Variants in FSTL4 observed in about 807,000 individuals in gnomAD.
FSTL4 encodes the protein follistatin-related protein 4.
In FSTL4, 28 loss-of-function variants were observed where a neutral mutation model predicts 78.2. That is an observed-to-expected ratio of 0.36 (90% confidence interval 0.27 to 0.49). The LOEUF is 0.49. Among genes scored for constraint, FSTL4 ranks in the 20% least tolerant of loss-of-function variants. The probability of loss-of-function intolerance (pLI) is 0.98; values close to 1 mark genes in which losing one functional copy is unlikely to be tolerated. For synonymous variants in FSTL4, 422 were observed against 440.5 expected (o/e 0.96, Z 0.53); for missense variants, 922 against 1,084.9 (o/e 0.85, Z 2.11).
intron 6 of FSTL4, among the ~76,000 whole-genome samples, chr5:133,293,238 G>A (rs1193944440): frequency 6.6e-6 from 1 of 152,234 alleles, no homozygotes; most frequent in Non-Finnish European, 1.5e-5. Flanking sequence ...CCCCACGCAA[G>A]GGCCACAAGA....
chr5:133,491,550 C>G (rs1429030588), intron 3 of FSTL4, among the ~76,000 whole-genome samples: 2 of 151,582 alleles, frequency 1.3e-5, no homozygotes, highest in African/African-American at 4.8e-5. Context: ...CAGGCGCCCG[C>G]CACCACGCCT....
the FSTL4 span, among the ~76,000 whole-genome samples, chr5:133,830,709 C>A: frequency 2.0e-5 from 3 of 152,208 alleles, no homozygotes; most frequent in African/African-American, 7.2e-5. Context: ...TCCCAGCACT[C>A]CCTGCTCCGT....
chr5:133,369,336 C>T (rs770622390), intron 4 of FSTL4, among the ~76,000 whole-genome samples: 2 of 152,202 alleles, frequency 1.3e-5, no homozygotes, highest in Non-Finnish European at 2.9e-5. Flanking sequence ...TGGGCGGTCC[C>T]TCTGTTAATC....
chr5:133,539,997 G>A (rs1291595272), intron 3 of FSTL4, among the ~76,000 whole-genome samples: 2 of 150,082 alleles, frequency 1.3e-5, no homozygotes, highest in African/African-American at 4.9e-5. Context: ...GCGACACTTT[G>A]AGTAAAGCAG....
intron 6 of FSTL4, among the ~76,000 whole-genome samples, chr5:133,278,563 C>T (rs896355721): frequency 3.9e-5 from 6 of 152,200 alleles, no homozygotes; most frequent in African/African-American, 1.4e-4. Flanking sequence ...GCAACACAGT[C>T]TAAGGGAGCT....
At position 133,338,533 on chromosome 5, in the gene FSTL4, C is replaced by T. The variant is rs533562279; in HGVS notation, c.410-21881G>A. Reference sequence around the variant, plus strand: ...TTCCCTCTGCTCCCCCATGGATACTCGGTTCCCTCAATCGAGGCTGGTGCA... The same window carrying T: ...TTCCCTCTGCTCCCCCATGGATACTTGGTTCCCTCAATCGAGGCTGGTGCA... On this transcript the variant is annotated intron_variant, in intron 4 of 15. Coordinates refer to ENST00000265342, the MANE Select transcript of FSTL4 (RefSeq NM_015082.2). This position sits in a 1 kb window ranked among gnomAD's most constrained non-coding sequence, Gnocchi z 4.0. Among the ~76,000 whole-genome samples the T allele has an allele frequency of 5.9e-5, 9 of 152,224 alleles. No individual in the cohort carries two copies. The East Asian group carries it at 7.7e-4, about 13-fold the overall frequency.
chr5:133,269,886 T>C (rs773236238), intron 6 of FSTL4, among the ~76,000 whole-genome samples: 4 of 152,224 alleles, frequency 2.6e-5, no homozygotes, highest in Non-Finnish European at 5.9e-5. Flanking sequence ...GGTCTCAAAT[T>C]TGACGGCATC....
At position 133,225,813 on chromosome 5, in the gene FSTL4, G is replaced by A; in HGVS notation, c.1022C>T (p.Pro341Leu). The change falls in exon 9 of 16, where the codon CCA (proline) becomes CTA (leucine). Residue 341 changes from proline (P) to leucine (L), a missense_variant. Coordinates refer to ENST00000265342, the MANE Select transcript of FSTL4 (RefSeq NM_015082.2). This position sits in a 1 kb window ranked among gnomAD's most constrained non-coding sequence, Gnocchi z 4.6. ...QTHVLQVNVP[P>L]VIRVYPESQA... ...GCTCTCTGGATAGACACGGATGACT[G>A]GCGGCACTGTGGGTGAGAGTCAGTG... 1 of 1,577,094 alleles carries A rather than the reference G, an allele frequency of 6.3e-7. No homozygotes were observed. The highest frequency in any genetic ancestry group is 8.6e-7 in the Non-Finnish European group (1 of 1,162,666).
At chr5:133,241,540 T>C (rs1367074129) in intron 7 of FSTL4, among the ~76,000 whole-genome samples, 2 of 152,152 alleles carry the variant, frequency 1.3e-5, no homozygotes, top group Non-Finnish European at 2.9e-5. Flanking sequence ...AGCAGGCAAA[T>C]ACCTCTTGAC....
At chr5:133,596,620 G>A (rs114431735) in intron 2 of FSTL4, among the ~76,000 whole-genome samples, 1 of 152,204 alleles carries the variant, frequency 6.6e-6, no homozygotes, top group Non-Finnish European at 1.5e-5. Context: ...AAAGCCAAGG[G>A]CTCAGTGTCT....
At chr5:133,643,741 C>T in the FSTL4 span, among the ~76,000 whole-genome samples, 10 of 152,206 alleles carry the variant, frequency 6.6e-5, no homozygotes, top group African/African-American at 2.4e-4. Flanking sequence ...GTGAGCAAGA[C>T]TGATTGACTA....
chr5:133,491,401 C>CTT (rs754185647), intron 3 of FSTL4, among the ~76,000 whole-genome samples: 32 of 137,896 alleles, frequency 2.3e-4, no homozygotes, highest in Non-Finnish European at 4.3e-4. Context: ...ACAATTTTTT[C>CTT]TTTTTTTTTT....
At chr5:133,610,940 T>C (rs146242563) in intron 1 of FSTL4, among the ~76,000 whole-genome samples, 23 of 152,092 alleles carry the variant, frequency 1.5e-4, no homozygotes, top group African/African-American at 5.3e-4. Flanking sequence ...TGAAATTCTG[T>C]TTACGTTTGG....
the FSTL4 span, among the ~76,000 whole-genome samples, chr5:133,742,341 AC>A: frequency 6.6e-6 from 1 of 152,230 alleles, no homozygotes; most frequent in South Asian, 2.1e-4. Context: ...GGCATCATTG[AC>A]ACTGGCTAAG....
intron 6 of FSTL4, among the ~76,000 whole-genome samples, chr5:133,250,154 T>C (rs1237694559): frequency 6.6e-6 from 1 of 152,252 alleles, no homozygotes; most frequent in African/African-American, 2.4e-5. Context: ...TAGCTTTTAA[T>C]TTTTTGAAGA....
the FSTL4 span, among the ~76,000 whole-genome samples, chr5:133,757,872 G>A: frequency 6.6e-6 from 1 of 152,186 alleles, no homozygotes. Context: ...CACCTACAAG[G>A]ATTTTAAATC....
rs1351212520 is a variant in FSTL4 at position 133,425,848 on chromosome 5, C to T, written c.161-24862G>A. Among the ~76,000 whole-genome samples the T allele has an allele frequency of 3.3e-5, 5 of 152,298 alleles. No homozygotes were observed. The East Asian group carries it at 9.6e-4, about 29-fold the overall frequency. ...GTAGCCGTGTGGTTTGTCCACTGCA[C>T]GATAAGCCAAGTGGCGGAAGAAATC... On this transcript the variant is annotated intron_variant, in intron 3 of 15. Transcript: ENST00000265342.
intron 6 of FSTL4, among the ~76,000 whole-genome samples, chr5:133,258,545 C>G (rs549069653): frequency 9.8e-5 from 15 of 152,288 alleles, no homozygotes; most frequent in African/African-American, 2.9e-4. Context: ...TTATTGGTTC[C>G]GTAGAAGACA....
chr5:133,275,246 G>C (rs181214877), intron 6 of FSTL4, among the ~76,000 whole-genome samples: 1 of 151,170 alleles, frequency 6.6e-6, no homozygotes, highest in Non-Finnish European at 1.5e-5. Flanking sequence ...CCTCGGTGAC[G>C]GAGGGAAACT....
Sources: allele counts gnomAD v4.1 joint callset (sites outside exome capture counted in the v4.1 genomes callset), GRCh38; gene constraint gnomAD v4.1.1; non-coding constraint Gnocchi (gnomAD v3.1); transcripts MANE v1.5; gene names NCBI Gene and HGNC (gene_info 2026-07-23, HGNC 2026-07-21).